The following RHD variants were observed in gnomAD, a reference collection of about 807,000 sequenced individuals.
RHD encodes blood group Rh(D) polypeptide.
RHD carries 16 observed loss-of-function variants against 45.5 expected under a neutral mutation model. The observed-to-expected ratio is 0.35, with a 90% CI of 0.24 to 0.53. RHD has a LOEUF of 0.53. Ranked by LOEUF, RHD falls within the 20% of genes least tolerant of loss-of-function variation. RHD has a pLI of 0.92. For missense variants in RHD, 306 were observed against 532.0 expected (o/e 0.58, Z 4.18); for synonymous variants, 131 against 217.5 (o/e 0.60, Z 3.50).
chr1:25,315,976 T>A (rs1361288431), intron 7 of RHD, among the ~76,000 whole-genome samples: 2 of 131,490 alleles, frequency 1.5e-5, no homozygotes, highest in East Asian at 3.9e-4. Flanking sequence ...GGCTTGGAGC[T>A]TTGCTTTGTC....
intron 2 of RHD, among the ~76,000 whole-genome samples, chr1:25,286,944 T>C (rs1642069981): frequency 7.5e-6 from 1 of 133,176 alleles, no homozygotes; most frequent in Non-Finnish European, 1.8e-5. Flanking sequence ...AACACAAAAA[T>C]TAGCTGGGTG....
At chr1:25,315,747 C>T (rs574256391) in intron 7 of RHD, among the ~76,000 whole-genome samples, 5 of 130,280 alleles carry the variant, frequency 3.8e-5, no homozygotes, top group African/African-American at 1.1e-4. Flanking sequence ...CTGCCCGCCT[C>T]GGCCTCCCAA....
In RHD at chr1:25,305,074, C is replaced by A. The variant is rs1246451765; in HGVS notation, c.940-1522C>A. On this transcript the variant is annotated intron_variant, in intron 6 of 9. Coordinates refer to ENST00000328664, the MANE Select transcript of RHD (RefSeq NM_016124.6). ...GGATACACACAATACAGTGTGAGAA[C>A]AGCAAGAGGGCACATCTGAGCTAGC... Among the ~76,000 whole-genome samples, 2 of 132,628 alleles carry A rather than the reference C, an allele frequency of 1.5e-5. 1 individual carries two copies. The highest frequency in any genetic ancestry group is 3.6e-5 in the Non-Finnish European group (2 of 56,130). 87.0% of individuals were successfully genotyped at this position (132,628 alleles called of 152,430 possible). A position where few individuals can be genotyped will look rare whatever the true frequency, so the allele number is the denominator to read the frequency against.
At position 25,282,982 on chromosome 1, in the gene RHD, T is replaced by C. The variant is rs562501507; in HGVS notation, c.149-1591T>C. On this transcript the variant is annotated intron_variant, in intron 1 of 9. Coordinates refer to ENST00000328664, the MANE Select transcript of RHD (RefSeq NM_016124.6). Reference sequence around the variant, plus strand: ...ACACCTCCCAAACTTAGAGACAATATTAATGACGGAAAAAAAATTCTTCAA... The same window carrying C: ...ACACCTCCCAAACTTAGAGACAATACTAATGACGGAAAAAAAATTCTTCAA... 6.0e-5 allele frequency among the ~76,000 whole-genome samples: 8 copies of C among 132,762 alleles called. 1 individual carries two copies. In the South Asian group the frequency reaches 1.8e-3, roughly 31 times the overall value. The allele number at this position is 132,762 out of a possible 152,430, so 87.1% of individuals were successfully genotyped here.
chr1:25,297,089 A>T lies in RHD; in HGVS notation c.487-3857A>T, dbSNP rs1425273744. Among the ~76,000 whole-genome samples the T allele has an allele frequency of 2.4e-5, 3 of 124,844 alleles. 1 individual carries two copies. The highest frequency in any genetic ancestry group is 5.6e-5 in the Non-Finnish European group (3 of 53,436). The allele number at this position is 124,844 out of a possible 152,430, so 81.9% of individuals were successfully genotyped here. A position where few individuals can be genotyped will look rare whatever the true frequency, so the allele number is the denominator to read the frequency against. ...AAATATATATTTTTTGTGGTCGAGG[A>T]TTACATCTTGCATTTAGTTCTCATG... On this transcript the variant is annotated intron_variant, in intron 3 of 9. Transcript: ENST00000328664.
chr1:25,276,322 G>A (rs1258199421), intron 1 of RHD, among the ~76,000 whole-genome samples: 2 of 128,130 alleles, frequency 1.6e-5, no homozygotes, highest in African/African-American at 5.4e-5. Context: ...TTGGTCTCAT[G>A]TGACAATCAT....
rs192274802 is a variant in RHD at position 25,322,017 on chromosome 1, A to G, written c.1227+55A>G. On this transcript the variant is annotated intron_variant, in intron 9 of 9. Transcript: ENST00000328664. ...ATTTTGAGTGCATGAACTTAAAAAC[A>G]TACCTGAGTATATATGTTGACTTGC... 1,573 of 897,874 alleles carry G rather than the reference A, an allele frequency of 1.8e-3. 220 individuals are homozygous for G. The African/African-American group carries it at 0.022, about 12-fold the overall frequency. 55.6% of individuals were successfully genotyped at this position (897,874 alleles called of 1,614,324 possible).
At position 25,303,198 on chromosome 1, in the gene RHD, T is replaced by G. The variant is rs774418411; in HGVS notation, c.802-124T>G. On this transcript the variant is annotated intron_variant, in intron 5 of 9. Coordinates refer to ENST00000328664, the MANE Select transcript of RHD (RefSeq NM_016124.6). ...GCCCCAACACAGGGGAGAAGTGGTT[T>G]CAGGATCAGCAAAGCAGGGAGGATG... 2.1e-5 allele frequency: 21 copies of G among 1,019,218 alleles called. 7 individuals carry two copies. Among genetic ancestry groups the G allele is most frequent in the Middle Eastern group, 2.9e-4 (1 of 3,408 alleles). 63.1% of individuals were successfully genotyped at this position (1,019,218 alleles called of 1,614,324 possible). A position where few individuals can be genotyped will look rare whatever the true frequency, so the allele number is the denominator to read the frequency against.
chr1:25,329,139 T>C lies in RHD; in HGVS notation c.*215T>C, dbSNP rs748167154. 47 of 1,107,532 alleles carry C rather than the reference T, an allele frequency of 4.2e-5. 10 individuals carry two copies. In the South Asian group the frequency reaches 6.0e-4, roughly 14 times the overall value. 68.6% of individuals were successfully genotyped at this position (1,107,532 alleles called of 1,614,324 possible). Reference sequence around the variant, plus strand: ...TGCACTGTAGAATACAACAATAAAATACAGCCATGTACCACATAACAACAT... The same window carrying C: ...TGCACTGTAGAATACAACAATAAAACACAGCCATGTACCACATAACAACAT... On this transcript the variant is annotated 3_prime_UTR_variant, in exon 10 of 10. Coordinates refer to ENST00000328664, the MANE Select transcript of RHD (RefSeq NM_016124.6).
At chr1:25,275,707 T>A (rs1640906125) in intron 1 of RHD, among the ~76,000 whole-genome samples, 1 of 133,384 alleles carries the variant, frequency 7.5e-6, no homozygotes, top group Non-Finnish European at 1.8e-5. Context: ...TTACTAATCA[T>A]AATGGTGTCA....
chr1:25,325,047 CAA>C (rs1644897924), intron 9 of RHD, among the ~76,000 whole-genome samples: 1 of 52,480 alleles, frequency 1.9e-5, no homozygotes, highest in African/African-American at 8.6e-5. Context: ...GGCTATGTCT[CAA>C]AAGAGAAAAA....
At chr1:25,276,072 C>A (rs1369940323) in intron 1 of RHD, among the ~76,000 whole-genome samples, 2 of 131,750 alleles carry the variant, frequency 1.5e-5, no homozygotes, top group African/African-American at 5.2e-5. Context: ...ATTATTCAAA[C>A]CTGCCAATTC....
rs866686488 is a variant in RHD at position 25,299,309 on chromosome 1, C to T, written c.487-1637C>T. ...AAGCAGGAGAATCGCTTGAACCCAA[C>T]GGGTGGAGGTTGCAGTGAGCCAAGA... is the stretch of plus-strand genomic sequence containing the variant. On this transcript the variant is annotated intron_variant, in intron 3 of 9. Coordinates refer to ENST00000328664, the MANE Select transcript of RHD (RefSeq NM_016124.6). Among the ~76,000 whole-genome samples the T allele has an allele frequency of 6.1e-5, 8 of 130,256 alleles. 2 individuals are homozygous for T. The highest frequency in any genetic ancestry group is 2.3e-4 in the South Asian group (1 of 4,288). 85.5% of individuals were successfully genotyped at this position (130,256 alleles called of 152,430 possible). A position where few individuals can be genotyped will look rare whatever the true frequency, so the allele number is the denominator to read the frequency against.
At chr1:25,318,924 C>G (rs1644555097) in intron 8 of RHD, among the ~76,000 whole-genome samples, 1 of 132,850 alleles carries the variant, frequency 7.5e-6, no homozygotes, top group Admixed American at 7.3e-5. Flanking sequence ...TATACCATGT[C>G]TGGCCTTAGC....
Position 25,329,906 on chromosome 1 carries a change from C to G in RHD, c.*982C>G, listed in dbSNP as rs1340779739. ...TCTTGGCCTCATGATCAGCCTGCCTCGGCCTCCCAAAGTGCTGGGATTACA... is the reference window on the plus strand; with the variant it reads ...TCTTGGCCTCATGATCAGCCTGCCTGGGCCTCCCAAAGTGCTGGGATTACA... On this transcript the variant is annotated 3_prime_UTR_variant, in exon 10 of 10. Transcript: ENST00000328664. 3 of 131,874 alleles carry G rather than the reference C, an allele frequency of 2.3e-5. 1 individual carries two copies. Among genetic ancestry groups the G allele is most frequent in the Non-Finnish European group, 5.4e-5 (3 of 55,768 alleles). 8.2% of individuals were successfully genotyped at this position (131,874 alleles called of 1,614,324 possible). A position where few individuals can be genotyped will look rare whatever the true frequency, so the allele number is the denominator to read the frequency against.
intron 2 of RHD, among the ~76,000 whole-genome samples, chr1:25,287,206 C>T (rs1642100947): frequency 7.4e-6 from 1 of 135,456 alleles, no homozygotes; most frequent in Admixed American, 7.1e-5. Context: ...TGACAAAGGG[C>T]ACCCTGGGGG....
intron 9 of RHD, 47 bp from the exon 10 acceptor site, chr1:25,328,851 A>G: frequency 1.1e-6 from 1 of 938,420 alleles, no homozygotes; most frequent in East Asian, 2.4e-5. Context: ...AGCCAAAATC[A>G]GTATGTGGGT....
intron 2 of RHD, among the ~76,000 whole-genome samples, chr1:25,288,015 G>T (rs1320203108): frequency 1.5e-5 from 2 of 132,412 alleles, no homozygotes; most frequent in African/African-American, 5.2e-5. Context: ...GAGCCACTGT[G>T]TCCAGCCTAA....
Position 25,306,337 on chromosome 1 carries a change from G to C in RHD, c.940-259G>C, listed in dbSNP as rs1408954539. ...CTTGCTACTCATAGTGTGGTCCGTAGACCAGCAGCATTGGCATCACCTGGG... is the reference window on the plus strand; with the variant it reads ...CTTGCTACTCATAGTGTGGTCCGTACACCAGCAGCATTGGCATCACCTGGG... On this transcript the variant is annotated intron_variant, in intron 6 of 9. Coordinates refer to ENST00000328664, the MANE Select transcript of RHD (RefSeq NM_016124.6). Among the ~76,000 whole-genome samples, 7 of 131,916 alleles carry C rather than the reference G, an allele frequency of 5.3e-5. 1 individual carries two copies. Among genetic ancestry groups the C allele is most frequent in the African/African-American group, 1.8e-4 (7 of 38,280 alleles). The allele number at this position is 131,916 out of a possible 152,430, so 86.5% of individuals were successfully genotyped here.
Sources: allele counts gnomAD v4.1 joint callset (sites outside exome capture counted in the v4.1 genomes callset), GRCh38; gene constraint gnomAD v4.1.1; transcripts MANE v1.5; gene names NCBI Gene and HGNC (gene_info 2026-07-23, HGNC 2026-07-21).